DISC1: variants seen among roughly 807,000 people sequenced by gnomAD.
DISC1 encodes the protein disrupted in schizophrenia 1 protein.
In DISC1, 57 loss-of-function variants were observed where a neutral mutation model predicts 84.5. The observed-to-expected ratio is 0.67, with a 90% CI of 0.55 to 0.84. The LOEUF (loss-of-function observed/expected upper bound fraction) is 0.84. Ranked by LOEUF, DISC1 falls within the 40% of genes least tolerant of loss-of-function variation. The pLI, the probability that DISC1 is intolerant of heterozygous loss-of-function variation, is 0.00. For synonymous variants in DISC1, 411 were observed against 415.2 expected (o/e 0.99, Z 0.12); for missense variants, 1,000 against 1,057.8 (o/e 0.95, Z 0.76).
chr1:231,874,638 G>A (rs577330564), intron 9 of DISC1, among the ~76,000 whole-genome samples: 16 of 151,998 alleles, frequency 1.1e-4, no homozygotes, highest in African/African-American at 2.9e-4. Context: ...CAGGCTGGGC[G>A]TGGTGGCTCA....
intron 3 of DISC1, among the ~76,000 whole-genome samples, chr1:231,739,847 G>A (rs2073016789): frequency 6.6e-6 from 1 of 152,142 alleles, no homozygotes; most frequent in African/African-American, 2.4e-5. Context: ...GACAAAGATT[G>A]CCAATCTGGG....
chr1:231,680,553 A>T (rs1264154963), intron 1 of DISC1, among the ~76,000 whole-genome samples: 2 of 152,228 alleles, frequency 1.3e-5, no homozygotes, highest in Non-Finnish European at 2.9e-5. Context: ...TGGAAAAAAA[A>T]TACTGAATAT....
chr1:231,839,199 C>T (rs1329385512), intron 9 of DISC1, among the ~76,000 whole-genome samples: 2 of 152,086 alleles, frequency 1.3e-5, no homozygotes, highest in African/African-American at 2.4e-5. Flanking sequence ...GTCGGAGGAA[C>T]GTGGCACATC....
At chr1:232,002,733 T>A (rs1423532275) in intron 10 of DISC1, among the ~76,000 whole-genome samples, 1 of 152,116 alleles carries the variant, frequency 6.6e-6, no homozygotes, top group Non-Finnish European at 1.5e-5. Flanking sequence ...GACTTAGTGG[T>A]CTCCAGGGAC....
intron 9 of DISC1, among the ~76,000 whole-genome samples, chr1:231,909,042 G>A (rs2088953847): frequency 6.6e-6 from 1 of 152,198 alleles, no homozygotes; most frequent in African/African-American, 2.4e-5. Flanking sequence ...CTTTGGTTAA[G>A]TTGCTTATCA....
chr1:231,903,059 C>G (rs1226720671), intron 9 of DISC1, among the ~76,000 whole-genome samples: 2 of 146,358 alleles, frequency 1.4e-5, no homozygotes, highest in Admixed American at 1.4e-4. Context: ...TCCACCTTTT[C>G]TCTCTCTCAT....
chr1:231,844,642 T>A (rs1208731247), intron 9 of DISC1, among the ~76,000 whole-genome samples: 1 of 152,144 alleles, frequency 6.6e-6, no homozygotes, highest in African/African-American at 2.4e-5. Flanking sequence ...AATTTTCTGA[T>A]TGGCAATTGG....
At chr1:232,008,020 C>A (rs821614) in intron 10 of DISC1, among the ~76,000 whole-genome samples, 1 of 151,936 alleles carries the variant, frequency 6.6e-6, no homozygotes, top group Non-Finnish European at 1.5e-5. Context: ...CTTGCTTCCC[C>A]TTCACCTTCT....
At chr1:231,814,403 A>G (rs935854597) in intron 8 of DISC1, among the ~76,000 whole-genome samples, 1 of 152,340 alleles carries the variant, frequency 6.6e-6, no homozygotes, top group East Asian at 1.9e-4. Context: ...AGTGCTTTCT[A>G]TGGTTTAGAA....
chr1:231,840,076 C>CA (rs1260858072), intron 9 of DISC1, among the ~76,000 whole-genome samples: 1 of 152,080 alleles, frequency 6.6e-6, no homozygotes, highest in African/African-American at 2.4e-5. Flanking sequence ...TGTTCTACCT[C>CA]AAAAAAACCC....
intron 9 of DISC1, among the ~76,000 whole-genome samples, chr1:231,823,345 A>G (rs2081635010): frequency 6.6e-6 from 1 of 152,234 alleles, no homozygotes; most frequent in African/African-American, 2.4e-5. Flanking sequence ...GATAAAAACA[A>G]TAAAATTAGC....
intron 9 of DISC1, among the ~76,000 whole-genome samples, chr1:231,834,651 G>T (rs948406466): frequency 6.6e-6 from 1 of 151,832 alleles, no homozygotes; most frequent in African/African-American, 2.4e-5. Flanking sequence ...AGGTTTTTAA[G>T]AACACAGGCT....
intron 11 of DISC1, among the ~76,000 whole-genome samples, chr1:232,012,505 T>G (rs1269678414): frequency 2.6e-5 from 4 of 152,220 alleles, no homozygotes; most frequent in African/African-American, 9.7e-5. Context: ...AAATGTCTAT[T>G]CGCTTTGCAG....
intron 11 of DISC1, among the ~76,000 whole-genome samples, chr1:232,024,298 C>T (rs1299253798): frequency 6.6e-6 from 1 of 152,128 alleles, no homozygotes; most frequent in Non-Finnish European, 1.5e-5. Flanking sequence ...GTATACTAGA[C>T]TTCTCCAATA....
At position 232,031,201 on chromosome 1, in the gene DISC1, G is replaced by A. The variant is rs1270989053; in HGVS notation, c.2425+4649G>A. On this transcript the variant is annotated intron_variant, in intron 12 of 12. Coordinates refer to ENST00000439617, the MANE Select transcript of DISC1 (RefSeq NM_018662.3). The surrounding 1 kb of genome is among the most constrained non-coding windows in gnomAD (Gnocchi z 4.6). ...GGAAGGGAGAAAGGAGAGACAGAGA[G>A]AGAGGAAGGAAGGAAGGGAGAAAGA... is the stretch of plus-strand genomic sequence containing the variant. Among the ~76,000 whole-genome samples, 6 of 129,554 alleles carry A rather than the reference G, an allele frequency of 4.6e-5. No homozygotes were observed. The highest frequency in any genetic ancestry group is 5.7e-5 in the African/African-American group (2 of 35,226). 85.0% of individuals were successfully genotyped at this position (129,554 alleles called of 152,430 possible).
At chr1:231,913,041 G>A (rs1267887968) in intron 9 of DISC1, among the ~76,000 whole-genome samples, 3 of 151,950 alleles carry the variant, frequency 2.0e-5, no homozygotes, top group Non-Finnish European at 4.4e-5. Context: ...CCAAGTAGCT[G>A]GGACCACAGG....
rs1476351429 is a variant in DISC1 at position 231,711,050 on chromosome 1, G to A, written c.1117+9026G>A. On this transcript the variant is annotated intron_variant, in intron 3 of 12. Coordinates refer to ENST00000439617, the MANE Select transcript of DISC1 (RefSeq NM_018662.3). ...TTTTTTTTTTTAAAGCAGACTTTTT[G>A]ACACAAGTAAGTTGATTCTTCCCAC... Among the ~76,000 whole-genome samples the A allele has an allele frequency of 3.3e-5, 5 of 151,530 alleles. No individual in the cohort carries two copies. The East Asian group carries it at 9.7e-4, about 29-fold the overall frequency.
intron 9 of DISC1, among the ~76,000 whole-genome samples, chr1:231,849,582 G>A (rs72760440): frequency 0.027 from 4,171 of 152,196 alleles, 88 homozygotes; most frequent in Non-Finnish European, 0.042. Context: ...GTGTATATGT[G>A]TGTGTATGTG....
intron 9 of DISC1, among the ~76,000 whole-genome samples, chr1:231,914,684 A>G (rs115039199): frequency 0.018 from 2,796 of 152,294 alleles, 46 homozygotes; most frequent in Middle Eastern, 0.024. Context: ...ACACGAGCAA[A>G]TGCTTGTCAT....
Sources: allele counts gnomAD v4.1 joint callset (sites outside exome capture counted in the v4.1 genomes callset), GRCh38; gene constraint gnomAD v4.1.1; non-coding constraint Gnocchi (gnomAD v3.1); transcripts MANE v1.5; gene names NCBI Gene and HGNC (gene_info 2026-07-23, HGNC 2026-07-21).